The following VWA8 variants were observed in gnomAD, a reference collection of about 807,000 sequenced individuals.
The protein encoded by VWA8 is von Willebrand factor A domain containing 8.
Under a neutral mutation model 241.5 loss-of-function variants are expected in VWA8, and 221 were observed. That is an observed-to-expected ratio of 0.91 (90% confidence interval 0.82 to 1.02). The LOEUF (loss-of-function observed/expected upper bound fraction) is 1.02. Among genes scored for constraint, VWA8 ranks in the 50% least tolerant of loss-of-function variants. The probability of loss-of-function intolerance (pLI) is 0.00; values close to 1 mark genes in which losing one functional copy is unlikely to be tolerated. For synonymous variants in VWA8, 852 were observed against 827.1 expected (o/e 1.03, Z -0.52); for missense variants, 2,322 against 2,328.7 (o/e 1.00, Z 0.06).
At chr13:41,874,663 T>C (rs1392816245) in intron 9 of VWA8, among the ~76,000 whole-genome samples, 1 of 152,174 alleles carries the variant, frequency 6.6e-6, no homozygotes, top group African/African-American at 2.4e-5. Flanking sequence ...ACATTGGATA[T>C]TGGTCTGTCA....
chr13:41,906,353 C>T (rs371395914), intron 4 of VWA8, among the ~76,000 whole-genome samples: 3 of 152,118 alleles, frequency 2.0e-5, no homozygotes, highest in African/African-American at 7.2e-5. Flanking sequence ...ACTTTATGTA[C>T]ACTCTGTTAA....
Position 41,729,613 on chromosome 13 carries a change from A to T in VWA8, c.2567T>A (p.Val856Asp). The T allele has an allele frequency of 6.2e-7, 1 of 1,613,428 alleles. No homozygotes were observed. The highest frequency in any genetic ancestry group is 8.5e-7 in the Non-Finnish European group (1 of 1,179,594). Residue 856 changes from valine (V) to aspartate (D), a missense_variant, in exon 23 of 45, where the codon GTC becomes GAC. Transcript: ENST00000379310. Reference protein sequence around the residue: ...VDEADKAPTNVTCILKTLVEN... With the variant: ...VDEADKAPTNDTCILKTLVEN... ...TACTAGAGTTTTTAAAATACACGTG[A>T]CATTTGTTGGAGCTTTGTCAGCCTC...
chr13:41,742,541 A>T (rs1216887059), intron 21 of VWA8, among the ~76,000 whole-genome samples: 1 of 152,248 alleles, frequency 6.6e-6, no homozygotes, highest in Non-Finnish European at 1.5e-5. Context: ...AGAAACAAAA[A>T]ACAATGAGCT....
chr13:41,839,624 T>C (rs1005186767), intron 12 of VWA8, among the ~76,000 whole-genome samples: 5 of 152,210 alleles, frequency 3.3e-5, no homozygotes, highest in Non-Finnish European at 5.9e-5. Flanking sequence ...TTTCTAGTTT[T>C]CCTAGCACCA....
chr13:41,791,901 G>A (rs1244185802), intron 17 of VWA8, among the ~76,000 whole-genome samples: 1 of 151,384 alleles, frequency 6.6e-6, no homozygotes, highest in Non-Finnish European at 1.5e-5. Flanking sequence ...AGCAGATATC[G>A]AGAAGTGGAA....
intron 2 of VWA8, among the ~76,000 whole-genome samples, chr13:41,939,194 T>A (rs1000188520): frequency 5.9e-5 from 9 of 152,202 alleles, no homozygotes; most frequent in Non-Finnish European, 1.3e-4. Flanking sequence ...TGAGGTCAGG[T>A]TGAAAGTTAT....
At chr13:41,747,467 G>A (rs2045617134) in intron 21 of VWA8, among the ~76,000 whole-genome samples, 1 of 152,178 alleles carries the variant, frequency 6.6e-6, no homozygotes, top group Non-Finnish European at 1.5e-5. Flanking sequence ...AGACTTTGCT[G>A]AAGTTGTCCA....
intron 29 of VWA8, 136 bp from the exon 30 acceptor site, chr13:41,693,108 G>A: frequency 1.8e-6 from 1 of 548,584 alleles, no homozygotes; most frequent in East Asian, 3.5e-5. Flanking sequence ...TAATACTTAA[G>A]AAATATCACA....
intron 12 of VWA8, among the ~76,000 whole-genome samples, chr13:41,834,160 C>T (rs1397865708): frequency 6.6e-6 from 1 of 152,190 alleles, no homozygotes; most frequent in African/African-American, 2.4e-5. Context: ...TAAAAGCACA[C>T]ACACAATGTG....
Position 41,644,403 on chromosome 13 carries a change from G to A in VWA8, c.4611+26543C>T, listed in dbSNP as rs558818717. Among the ~76,000 whole-genome samples the A allele has an allele frequency of 1.7e-3, 266 of 152,286 alleles. 1 individual carries two copies. Among genetic ancestry groups the A allele is most frequent in the Non-Finnish European group, 3.3e-3 (223 of 68,026 alleles). ...AGAGCAGGTCCTTGAATAACATTTT[G>A]TTCAAGGACATTTCATTATAAAGTC... On this transcript the variant is annotated intron_variant, in intron 37 of 44. Coordinates refer to ENST00000379310, the MANE Select transcript of VWA8 (RefSeq NM_015058.2).
rs754559781 is a variant in VWA8, at chr13:41,691,883, T to C, written c.3731A>G (p.Lys1244Arg). 2 of 1,609,990 alleles carry C rather than the reference T, an allele frequency of 1.2e-6. No individual in the cohort carries two copies. The highest frequency in any genetic ancestry group is 1.7e-6 in the Non-Finnish European group (2 of 1,176,962). ...FSHKNWLVFY[K>R]EKGNSLTVLD... ...ATAATAAAGAGCTCACCCTTTTTCT[T>C]TGTAGAACACCAGCCAGTTTTTGTG... The change falls in exon 31 of 45, where the codon AAA (lysine) becomes AGA (arginine). Residue 1244 changes from lysine to arginine, a missense_variant. By Grantham distance (26) the Lys-to-Arg change is conservative (BLOSUM62 2). Coordinates refer to ENST00000379310, the MANE Select transcript of VWA8 (RefSeq NM_015058.2).
At chr13:41,755,096 T>C (rs2045684764) in intron 21 of VWA8, among the ~76,000 whole-genome samples, 1 of 152,086 alleles carries the variant, frequency 6.6e-6, no homozygotes, top group Non-Finnish European at 1.5e-5. Context: ...CCCTTCAATA[T>C]ACCGATTTTC....
chr13:41,803,587 T>G (rs114326358), intron 17 of VWA8, among the ~76,000 whole-genome samples: 2,929 of 152,248 alleles, frequency 0.019, 97 homozygotes, highest in African/African-American at 0.066. Context: ...ATGAGACTTA[T>G]TCACTATTAC....
intron 4 of VWA8, chr13:41,905,177 C>A (rs1875648885): frequency 6.6e-6 from 1 of 152,014 alleles, no homozygotes; most frequent in Admixed American, 6.5e-5. Context: ...ATTAGCATGA[C>A]CCCTCCTCAA....
At chr13:41,838,693 A>G (rs1248430668) in intron 12 of VWA8, among the ~76,000 whole-genome samples, 1 of 152,184 alleles carries the variant, frequency 6.6e-6, no homozygotes, top group Non-Finnish European at 1.5e-5. Context: ...ATATCTGAAC[A>G]GTCTAAAATT....
At chr13:41,822,268 G>A (rs1870990996) in intron 14 of VWA8, among the ~76,000 whole-genome samples, 1 of 151,962 alleles carries the variant, frequency 6.6e-6, no homozygotes, top group African/African-American at 2.4e-5. Context: ...TTGTACATTG[G>A]GGAACTTGAA....
chr13:41,572,797 T>TAAAAAAAAAAAAAA (rs869088660), intron 43 of VWA8, among the ~76,000 whole-genome samples: 18 of 67,762 alleles, frequency 2.7e-4, no homozygotes, highest in Non-Finnish European at 4.6e-4. Flanking sequence ...CAATAAATAC[T>TAAAAAAAAAAAAAA]AAAAAAAAAA....
chr13:41,647,942 T>C (rs2044842527), intron 37 of VWA8, among the ~76,000 whole-genome samples: 1 of 151,730 alleles, frequency 6.6e-6, no homozygotes, highest in African/African-American at 2.4e-5. Context: ...TGAGCCAAGA[T>C]CGCACCACTG....
chr13:41,589,481 G>T (rs930842784), intron 41 of VWA8, among the ~76,000 whole-genome samples: 1 of 152,110 alleles, frequency 6.6e-6, no homozygotes, highest in South Asian at 2.1e-4. Context: ...GAGTTGATCT[G>T]TGTGGACAAT....
Sources: allele counts gnomAD v4.1 joint callset (sites outside exome capture counted in the v4.1 genomes callset), GRCh38; gene constraint gnomAD v4.1.1; transcripts MANE v1.5; gene names NCBI Gene and HGNC (gene_info 2026-07-23, HGNC 2026-07-21).